CD99L2: variants seen among roughly 807,000 people sequenced by gnomAD.
The protein encoded by CD99L2 is CD99 molecule like 2.
A neutral mutation model predicts 27.3 loss-of-function variants in CD99L2; 24 were observed. The observed-to-expected ratio is 0.88, with a 90% CI of 0.64 to 1.24. CD99L2 has a LOEUF of 1.24. CD99L2 is among the 50% of genes most tolerant of loss of function. CD99L2 has a pLI of 0.00. For missense variants in CD99L2, 255 were observed against 221.6 expected (o/e 1.15, Z -0.96); for synonymous variants, 97 against 87.9 (o/e 1.10, Z -0.58).
chrX:150,857,914 A>C (rs1201516242), intron 1 of CD99L2, among the ~76,000 whole-genome samples: 1 of 112,358 alleles, frequency 8.9e-6, no homozygotes, highest in East Asian at 2.8e-4. Flanking sequence ...GGATTAAAAA[A>C]CATGATCCAA....
intron 9 of CD99L2, among the ~76,000 whole-genome samples, chrX:150,773,170 C>T (rs1312514877): frequency 8.9e-6 from 1 of 112,349 alleles, no homozygotes; most frequent in Non-Finnish European, 1.9e-5. Context: ...CTTTTTAATT[C>T]CAGAGCAGAA....
chrX:150,789,124 C>CT (rs35495241), intron 7 of CD99L2, among the ~76,000 whole-genome samples: 7 of 55,767 alleles, frequency 1.3e-4, no homozygotes, highest in African/African-American at 2.0e-4. Flanking sequence ...TTCTTTTTTT[C>CT]TTTTTTTTTT....
At chrX:150,829,514 C>T (rs1557421005) in intron 2 of CD99L2, 1 of 330,461 alleles carries the variant, frequency 3.0e-6, no homozygotes, top group East Asian at 9.7e-5. Context: ...CCAACCAACA[C>T]CTTGATATAG....
chrX:150,816,292 C>A lies in CD99L2; in HGVS notation c.131-214G>T, dbSNP rs782578493. ...AGTTCTGCTCACTTTTCTTTGGAGG[C>A]TGAGGGTGGTGAGGTGGACATGGTC... On this transcript the variant is annotated intron_variant, in intron 2 of 10. Transcript: ENST00000370377. The A allele has an allele frequency of 9.8e-6, 4 of 408,882 alleles. No homozygotes were observed. In the East Asian group the frequency reaches 1.7e-4, roughly 17 times the overall value. The allele number at this position is 408,882 out of a possible 1,213,427, so 33.7% of individuals were successfully genotyped here.
intron 9 of CD99L2, among the ~76,000 whole-genome samples, chrX:150,772,572 G>T (rs2043479316): frequency 1.8e-5 from 2 of 113,019 alleles, no homozygotes; most frequent in African/African-American, 6.4e-5. Flanking sequence ...GACCTTGAGG[G>T]CAGCAGGAAG....
intron 7 of CD99L2, among the ~76,000 whole-genome samples, chrX:150,792,016 C>T (rs919945232): frequency 8.9e-6 from 1 of 111,876 alleles, no homozygotes; most frequent in Non-Finnish European, 1.9e-5. Context: ...TGATGTTTTA[C>T]CTTTGCTCAC....
At chrX:150,792,265 C>G (rs782277128) in intron 7 of CD99L2, among the ~76,000 whole-genome samples, 14 of 112,331 alleles carry the variant, frequency 1.2e-4, no homozygotes, top group African/African-American at 4.2e-4. Context: ...CTAAAACATG[C>G]ACTTTTAATA....
intron 4 of CD99L2, among the ~76,000 whole-genome samples, chrX:150,805,037 C>A (rs2045973052): frequency 9.0e-6 from 1 of 110,997 alleles, no homozygotes; most frequent in African/African-American, 3.3e-5. Flanking sequence ...TTAAATAAAA[C>A]AAAATAAAAA....
rs782001657 is a variant in CD99L2 at position 150,771,795 on chromosome X, G to C, written c.656-1426C>G. ...GCAAAAGGAAAGTGAGGAAGGCAAA[G>C]CAGCGTTACCTTGACCTGCTGCTGC... On this transcript the variant is annotated intron_variant, in intron 9 of 10. Coordinates refer to ENST00000370377, the MANE Select transcript of CD99L2 (RefSeq NM_031462.4). The C allele has an allele frequency of 1.6e-3, 1,867 of 1,154,191 alleles. 4 individuals carry two copies. Among genetic ancestry groups the C allele is most frequent in the Non-Finnish European group, 1.9e-3 (1,676 of 872,299 alleles).
chrX:150,811,962 A>G (rs138996498), intron 4 of CD99L2, among the ~76,000 whole-genome samples: 2,065 of 111,588 alleles, frequency 0.019, 18 homozygotes, highest in Middle Eastern at 0.037. Flanking sequence ...AGAGTTCAAG[A>G]CCAGCCTAGG....
intron 7 of CD99L2, among the ~76,000 whole-genome samples, chrX:150,790,821 G>T (rs111261818): frequency 0.13 from 14,441 of 111,474 alleles, 828 homozygotes; most frequent in Middle Eastern, 0.23. Context: ...ACGGTTAAAA[G>T]AAATTATTTT....
At chrX:150,781,039 T>G (rs2045501517) in intron 7 of CD99L2, among the ~76,000 whole-genome samples, 1 of 112,362 alleles carries the variant, frequency 8.9e-6, no homozygotes, top group Non-Finnish European at 1.9e-5. Flanking sequence ...ACTAGGGTTG[T>G]GCACATTTGG....
intron 7 of CD99L2, among the ~76,000 whole-genome samples, chrX:150,791,765 C>T (rs1557419713): frequency 9.0e-6 from 1 of 111,243 alleles, no homozygotes; most frequent in Non-Finnish European, 1.9e-5. Context: ...TATAGGCCAT[C>T]ACCTTCTTAG....
intron 1 of CD99L2, among the ~76,000 whole-genome samples, chrX:150,869,218 T>C (rs1156359559): frequency 9.0e-6 from 1 of 111,407 alleles, no homozygotes; most frequent in African/African-American, 3.3e-5. Flanking sequence ...TCTCAGCATC[T>C]AACTCCCATG....
chrX:150,802,703 T>A (rs1477387331), intron 4 of CD99L2, among the ~76,000 whole-genome samples: 1 of 99,296 alleles, frequency 1.0e-5, no homozygotes, highest in African/African-American at 3.7e-5. Context: ...TGCCTCAGCC[T>A]CCTGAGTCGC....
intron 4 of CD99L2, among the ~76,000 whole-genome samples, chrX:150,798,739 T>A (rs1557420006): frequency 1.8e-5 from 2 of 112,433 alleles, no homozygotes; most frequent in Non-Finnish European, 3.8e-5. Flanking sequence ...AAATTGATCT[T>A]CATCAAAATT....
intron 7 of CD99L2, among the ~76,000 whole-genome samples, chrX:150,791,645 C>T (rs1439062630): frequency 2.7e-5 from 3 of 110,911 alleles, no homozygotes; most frequent in Non-Finnish European, 5.7e-5. Flanking sequence ...GAAACATTGG[C>T]CTCAAATTTC....
At chrX:150,841,109 C>T (rs890099544) in intron 1 of CD99L2, among the ~76,000 whole-genome samples, 2 of 111,912 alleles carry the variant, frequency 1.8e-5, no homozygotes, top group African/African-American at 6.5e-5. Context: ...AGGATGCTTA[C>T]AACAGGAAAA....
chrX:150,816,063 G>T lies in CD99L2; in HGVS notation c.146C>A (p.Thr49Asn), dbSNP rs1245348022. Residue 49 changes from threonine to asparagine, a missense_variant, in exon 3 of 11, where the codon ACC (threonine) becomes AAC (asparagine). Physicochemically the swap from Thr to Asn is moderately conservative, Grantham distance 65. Transcript: ENST00000370377. ...TSSVKQPWDHTTTTTTNRPGT... is the reference protein window; with the variant it reads ...TSSVKQPWDHNTTTTTNRPGT... Reference sequence around the variant, plus strand: ...TGGCCTATTGGTTGTGGTGGTGGTGGTGTGGTCCCATGGCTCTAAAAGGGA... The same window carrying T: ...TGGCCTATTGGTTGTGGTGGTGGTGTTGTGGTCCCATGGCTCTAAAAGGGA... 2 of 1,209,052 alleles carry T rather than the reference G, an allele frequency of 1.7e-6. No homozygotes were observed. Among genetic ancestry groups the T allele is most frequent in the African/African-American group, 3.5e-5 (2 of 56,952 alleles).
Sources: gnomAD v4.1 joint callset for allele counts (sites outside exome capture counted in the v4.1 genomes callset) on GRCh38, gnomAD v4.1.1 for gene constraint, MANE v1.5 for transcripts, NCBI Gene and HGNC (gene_info 2026-07-23, HGNC 2026-07-21) for gene names.